Variants in DIAPH1 observed in about 807,000 individuals in gnomAD.
DIAPH1 encodes diaphanous related formin 1.
A neutral mutation model predicts 140.7 loss-of-function variants in DIAPH1; 46 were observed. The observed-to-expected ratio is 0.33, with a 90% confidence interval of 0.26 to 0.42. The LOEUF (loss-of-function observed/expected upper bound fraction) is 0.42. DIAPH1 is among the 10% of genes least tolerant of loss of function. DIAPH1 has a pLI of 1.00. For missense variants in DIAPH1, 1,310 were observed against 1,558.7 expected (o/e 0.84, Z 2.69); for synonymous variants, 565 against 551.6 (o/e 1.02, Z -0.34).
At position 141,594,858 on chromosome 5, in the gene DIAPH1, T is replaced by C. The variant is rs1035666561; in HGVS notation, c.118-6608A>G. 4.0e-5 allele frequency among the ~76,000 whole-genome samples: 6 copies of C among 149,750 alleles called. No homozygotes were observed. The East Asian group carries it at 6.0e-4, about 15-fold the overall frequency. ...GAGTTTGAGACCAGCCTGGCCAACG[T>C]TGTGAAATCTCTTCTCTAATAACAA... On this transcript the variant is annotated intron_variant, in intron 1 of 27. Coordinates refer to ENST00000389054, the MANE Select transcript of DIAPH1 (RefSeq NM_005219.5).
At position 141,516,481 on chromosome 5, in the gene DIAPH1, TA is replaced by T. The variant is rs558402571; in HGVS notation, c.*369del. The stretch of plus-strand genomic sequence containing the variant: ...AAGCACAAATCCAGCAAGACTGACC[TA>T]GGGGGGAAAGCCCATTAGAAAGTCA... On this transcript the variant is annotated 3_prime_UTR_variant, in exon 28 of 28. Transcript: ENST00000389054. The T allele has an allele frequency of 1.9e-4, 62 of 335,054 alleles. No individual in the cohort carries two copies. The East Asian group carries it at 4.1e-3, about 22-fold the overall frequency. 20.8% of individuals were successfully genotyped at this position (335,054 alleles called of 1,614,324 possible).
intron 1 of DIAPH1, among the ~76,000 whole-genome samples, chr5:141,589,571 T>C (rs761590753): frequency 9.2e-5 from 14 of 151,644 alleles, no homozygotes; most frequent in Non-Finnish European, 2.1e-4. Flanking sequence ...TGTAACACTG[T>C]ATTATTTGGT....
intron 1 of DIAPH1, among the ~76,000 whole-genome samples, chr5:141,617,207 G>A (rs2099902820): frequency 6.6e-6 from 1 of 151,436 alleles, no homozygotes; most frequent in East Asian, 1.9e-4. Flanking sequence ...CGGGGGGGAG[G>A]GGTCAATTCT....
intron 18 of DIAPH1, among the ~76,000 whole-genome samples, chr5:141,543,644 G>A (rs1249360746): frequency 6.6e-6 from 1 of 152,134 alleles, no homozygotes; most frequent in Non-Finnish European, 1.5e-5. Flanking sequence ...TAATATAAGT[G>A]TCCCGAGCAT....
chr5:141,528,967 T>A, intron 21 of DIAPH1, 26 bp from the exon 22 acceptor site: 4 of 1,613,560 alleles, frequency 2.5e-6, no homozygotes, highest in Non-Finnish European at 3.4e-6. Context: ...AGCAGTTCCA[T>A]TACAGTCAAA....
At position 141,516,963 on chromosome 5, in the gene DIAPH1, T is replaced by C. The variant is rs2099885780; in HGVS notation, c.3707A>G (p.Glu1236Gly). Residue 1236 changes from glutamate (E) to glycine (G), a missense_variant, in exon 28 of 28, where the codon GAG becomes GGG. Transcript: ENST00000389054. ...AGCCATGGCATCATCCTTGGTCAGCTCCGAAGCTAGCAGAGATGTGACTGC... is the reference window on the plus strand; with the variant it reads ...AGCCATGGCATCATCCTTGGTCAGCCCCGAAGCTAGCAGAGATGTGACTGC... ...GCAVTSLLAS[E>G]LTKDDAMAAV... 31 of 1,614,184 alleles carry C rather than the reference T, an allele frequency of 1.9e-5. No homozygotes were observed. The highest frequency in any genetic ancestry group is 2.6e-5 in the Non-Finnish European group (31 of 1,180,044).
At chr5:141,561,671 T>C (rs2099893562) in intron 18 of DIAPH1, 1 of 152,210 alleles carries the variant, frequency 6.6e-6, no homozygotes, top group Admixed American at 6.5e-5. Context: ...TAGTCTGGTA[T>C]ATTCCCTTCT....
At chr5:141,536,317 T>G (rs1404659403) in intron 18 of DIAPH1, among the ~76,000 whole-genome samples, 1 of 151,950 alleles carries the variant, frequency 6.6e-6, no homozygotes, top group East Asian at 1.9e-4. Flanking sequence ...AATTCACTGT[T>G]TTGGAGCTCA....
intron 1 of DIAPH1, among the ~76,000 whole-genome samples, chr5:141,595,236 CTG>C (rs1017238003): frequency 6.6e-6 from 1 of 152,098 alleles, no homozygotes; most frequent in Non-Finnish European, 1.5e-5. Flanking sequence ...GAAAAATACT[CTG>C]TATGATACTA....
Position 141,583,598 on chromosome 5 carries a change from C to A in DIAPH1, c.420G>T (p.Glu140Asp). 1 of 1,614,258 alleles carries A rather than the reference C, an allele frequency of 6.2e-7. No homozygotes were observed. Among genetic ancestry groups the A allele is most frequent in the African/African-American group, 1.3e-5 (1 of 75,078 alleles). The change falls in exon 5 of 28, where the codon GAG becomes GAT. Residue 140 changes from glutamate to aspartate, a missense_variant. Transcript: ENST00000389054. ...TATACATCATGGCAGACTTAGAGCT[C>A]TCCTTCTGGCTCATGCCCTAGACAG... is the stretch of plus-strand genomic sequence containing the variant. ...YTSKAGMSQK[E>D]SSKSAMMYIQ...
chr5:141,606,519 C>T (rs1404481678), intron 1 of DIAPH1, among the ~76,000 whole-genome samples: 10 of 152,110 alleles, frequency 6.6e-5, no homozygotes, highest in African/African-American at 1.9e-4. Context: ...CTCGGCCTCC[C>T]GGGTAGCTGG....
Position 141,516,377 on chromosome 5 carries a change from A to G in DIAPH1, c.*474T>C, listed in dbSNP as rs1443098260. The G allele has an allele frequency of 2.0e-5, 4 of 200,368 alleles. No individual in the cohort carries two copies. The East Asian group carries it at 4.7e-4, about 23-fold the overall frequency. The allele number at this position is 200,368 out of a possible 1,614,324, so 12.4% of individuals were successfully genotyped here. On this transcript the variant is annotated 3_prime_UTR_variant, in exon 28 of 28. Transcript: ENST00000389054. Reference sequence around the variant, plus strand: ...GCCAGGAGAGGGAAGAGCAGAGACAACAGCAATGAAAGGAGGGATCTAGCC... The same window carrying G: ...GCCAGGAGAGGGAAGAGCAGAGACAGCAGCAATGAAAGGAGGGATCTAGCC...
At chr5:141,574,658 T>C (rs945254778) in intron 15 of DIAPH1, among the ~76,000 whole-genome samples, 15 of 152,234 alleles carry the variant, frequency 9.9e-5, no homozygotes, top group African/African-American at 3.6e-4. Context: ...TAACAGGAAA[T>C]TAGTCAATTT....
At chr5:141,604,793 T>G (rs1332181292) in intron 1 of DIAPH1, among the ~76,000 whole-genome samples, 1 of 152,114 alleles carries the variant, frequency 6.6e-6, no homozygotes, top group Admixed American at 6.5e-5. Context: ...ATACTACTAC[T>G]CAATAAGCCA....
intron 18 of DIAPH1, chr5:141,536,082 T>C (rs1418215289): frequency 2.2e-6 from 1 of 454,710 alleles, no homozygotes; most frequent in East Asian, 7.2e-5. Context: ...GGCAGATCAC[T>C]TGAGCTCAGG....
intron 16 of DIAPH1, among the ~76,000 whole-genome samples, chr5:141,572,514 T>C (rs11954998): frequency 0.17 from 26,360 of 152,164 alleles, 2,525 homozygotes; most frequent in Admixed American, 0.28. Context: ...AAATATGGCC[T>C]ATGTAGGCCA....
At chr5:141,520,356 T>A (rs943663665) in intron 27 of DIAPH1, among the ~76,000 whole-genome samples, 3 of 152,288 alleles carry the variant, frequency 2.0e-5, no homozygotes, top group African/African-American at 7.2e-5. Flanking sequence ...TGCTGAAATG[T>A]GGACTACAAT....
At chr5:141,525,952 G>T in intron 26 of DIAPH1, 86 bp downstream of exon 26, 1 of 1,600,862 alleles carries the variant, frequency 6.2e-7, no homozygotes, top group South Asian at 1.1e-5. Context: ...GGTGAGCTCA[G>T]ACATGAGACT....
At chr5:141,523,172 C>G (rs868728177) in intron 27 of DIAPH1, among the ~76,000 whole-genome samples, 1 of 152,182 alleles carries the variant, frequency 6.6e-6, no homozygotes, top group Non-Finnish European at 1.5e-5. Context: ...CAAAGTATAA[C>G]TATCAAATGG....
Sources: gnomAD v4.1 joint callset for allele counts (sites outside exome capture counted in the v4.1 genomes callset) on GRCh38, gnomAD v4.1.1 for gene constraint, MANE v1.5 for transcripts, NCBI Gene and HGNC (gene_info 2026-07-23, HGNC 2026-07-21) for gene names.